The following SNAP91 variants were observed in gnomAD, a reference collection of about 807,000 sequenced individuals.
SNAP91 encodes clathrin coat assembly protein AP180.
SNAP91 carries 27 observed loss-of-function variants against 100.3 expected under a neutral mutation model. The observed-to-expected ratio is 0.27, with a 90% CI of 0.20 to 0.37. SNAP91 has a LOEUF of 0.37. Ranked by LOEUF, SNAP91 falls within the 10% of genes least tolerant of loss-of-function variation. SNAP91 has a pLI of 1.00. For synonymous variants in SNAP91, 404 were observed against 398.6 expected, an observed-to-expected ratio of 1.01 and a Z score of -0.16; for missense variants, 986 against 1,123.7, an observed-to-expected ratio of 0.88 and a Z score of 1.75.
At chr6:83,560,447 C>T (rs1785359034) in intron 27 of SNAP91, among the ~76,000 whole-genome samples, 1 of 152,130 alleles carries the variant, frequency 6.6e-6, no homozygotes, top group African/African-American at 2.4e-5. Flanking sequence ...CCCAACCAAG[C>T]TTTGTTGTTG....
chr6:83,665,314 G>A (rs217303), intron 3 of SNAP91, 125 bp downstream of exon 3: 387,117 of 921,722 alleles, frequency 0.42, 83,316 homozygotes, highest in South Asian at 0.49. Context: ...TAGATGATCC[G>A]GAACTGTGTA....
At chr6:83,662,921 G>A (rs547430311) in intron 3 of SNAP91, among the ~76,000 whole-genome samples, 1 of 151,926 alleles carries the variant, frequency 6.6e-6, no homozygotes, top group East Asian at 1.9e-4. Context: ...TTGAAGATTT[G>A]TGGCAACTCA....
intron 22 of SNAP91, among the ~76,000 whole-genome samples, chr6:83,586,343 G>A (rs1174316215): frequency 6.6e-6 from 1 of 152,166 alleles, no homozygotes. Context: ...GAGAACAAAT[G>A]CAAAACTACA....
chr6:83,560,782 C>G, intron 27 of SNAP91, 82 bp downstream of exon 27: 1 of 1,189,966 alleles, frequency 8.4e-7, no homozygotes, highest in Non-Finnish European at 1.2e-6. Flanking sequence ...AAATTATATT[C>G]TGTAGGAATA....
At position 83,641,126 on chromosome 6, in the gene SNAP91, T is replaced by C. The variant is rs540360915; in HGVS notation, c.735A>G (p.Thr245=). 1.3e-6 allele frequency: 2 copies of C among 1,546,134 alleles called. No individual in the cohort carries two copies. The highest frequency in any genetic ancestry group is 2.8e-5 in the African/African-American group (2 of 72,094). The change falls in exon 8 of 30, where the codon ACA becomes ACG. Residue 245 remains threonine (T), a synonymous_variant. Coordinates refer to ENST00000369694, the MANE Select transcript of SNAP91 (RefSeq NM_001242792.2). The part of the protein sequence containing the change: ...EIYKRFLTRM[T]RVSEFLKVAE... ...CAACCTTGAGAAATTCAGACACTCG[T>C]GTCATTCTAGTTAGAAATCGTTTGT...
chr6:83,705,435 G>T (rs1334798488), intron 2 of SNAP91, among the ~76,000 whole-genome samples: 1 of 152,094 alleles, frequency 6.6e-6, no homozygotes, highest in African/African-American at 2.4e-5. Flanking sequence ...GGTTAATATG[G>T]TTCATTTTCT....
intron 4 of SNAP91, 65 bp from the exon 5 acceptor site, chr6:83,661,669 T>TTG: frequency 1.1e-6 from 1 of 891,502 alleles, no homozygotes; most frequent in Non-Finnish European, 1.7e-6. Context: ...CTTTGCATAG[T>TTG]ACTATTTTTT....
chr6:83,655,777 AT>A (rs2128692309), intron 7 of SNAP91, among the ~76,000 whole-genome samples: 1 of 152,316 alleles, frequency 6.6e-6, no homozygotes, highest in Non-Finnish European at 1.5e-5. Flanking sequence ...AAGCAGGTAG[AT>A]TGTATGAACA....
intron 8 of SNAP91, among the ~76,000 whole-genome samples, chr6:83,630,338 G>A (rs975662663): frequency 5.9e-5 from 9 of 151,930 alleles, no homozygotes; most frequent in Non-Finnish European, 1.3e-4. Context: ...TTCTGGTTTG[G>A]GTATTAGGGT....
At chr6:83,607,672 C>T in intron 13 of SNAP91, 27 bp downstream of exon 13, 2 of 1,341,494 alleles carry the variant, frequency 1.5e-6, no homozygotes, top group Non-Finnish European at 2.1e-6. Context: ...TATTAATAAA[C>T]AGTTAACTGC....
At chr6:83,658,612 AT>A (rs1474016127) in intron 6 of SNAP91, among the ~76,000 whole-genome samples, 3 of 152,216 alleles carry the variant, frequency 2.0e-5, no homozygotes, top group African/African-American at 4.8e-5. Flanking sequence ...TCTCAAAAAA[AT>A]AAATAAATAA....
At chr6:83,563,047 T>C (rs1252893144) in intron 26 of SNAP91, among the ~76,000 whole-genome samples, 2 of 152,196 alleles carry the variant, frequency 1.3e-5, no homozygotes, top group African/African-American at 4.8e-5. Flanking sequence ...GTGGCTATCT[T>C]GGTAGAAATA....
intron 2 of SNAP91, among the ~76,000 whole-genome samples, chr6:83,701,582 G>C (rs1289202259): frequency 1.3e-5 from 2 of 152,048 alleles, no homozygotes; most frequent in Non-Finnish European, 2.9e-5. Flanking sequence ...GAGTAGCTGG[G>C]ATTACAGGTG....
At chr6:83,651,862 A>G (rs564299104) in intron 7 of SNAP91, among the ~76,000 whole-genome samples, 1 of 152,240 alleles carries the variant, frequency 6.6e-6, no homozygotes, top group South Asian at 2.1e-4. Context: ...ATCTACCAGT[A>G]GACTCATCTA....
At chr6:83,563,080 C>A (rs913736201) in intron 26 of SNAP91, among the ~76,000 whole-genome samples, 1 of 152,194 alleles carries the variant, frequency 6.6e-6, no homozygotes, top group Non-Finnish European at 1.5e-5. Context: ...TAGACAAGAG[C>A]CACAAGGGCA....
chr6:83,660,010 T>C (rs920408167), intron 5 of SNAP91, among the ~76,000 whole-genome samples: 5 of 152,164 alleles, frequency 3.3e-5, no homozygotes, highest in East Asian at 3.9e-4. Context: ...TATCCAGTGA[T>C]GGTGATGGTT....
chr6:83,570,337 G>A (rs1233087833), intron 26 of SNAP91, among the ~76,000 whole-genome samples: 2 of 152,134 alleles, frequency 1.3e-5, no homozygotes, highest in Non-Finnish European at 2.9e-5. Context: ...TTTTAAAACA[G>A]AAACAGAGCA....
At chr6:83,579,052 G>T (rs1216699356) in intron 24 of SNAP91, among the ~76,000 whole-genome samples, 2 of 151,958 alleles carry the variant, frequency 1.3e-5, no homozygotes, top group Non-Finnish European at 1.5e-5. Context: ...CTATATACGT[G>T]GGTTTATTTC....
At chr6:83,636,959 T>G (rs1236959467) in intron 8 of SNAP91, among the ~76,000 whole-genome samples, 3 of 152,208 alleles carry the variant, frequency 2.0e-5, no homozygotes, top group Non-Finnish European at 2.9e-5. Context: ...AGGTTATAGA[T>G]GGGCTCCTGT....
Sources: gnomAD v4.1 joint callset for allele counts (sites outside exome capture counted in the v4.1 genomes callset) on GRCh38, gnomAD v4.1.1 for gene constraint, MANE v1.5 for transcripts, NCBI Gene and HGNC (gene_info 2026-07-23, HGNC 2026-07-21) for gene names.